MACROH2A1: variants seen among roughly 807,000 people sequenced by gnomAD.
MACROH2A1 encodes the protein core histone macro-H2A.1.
MACROH2A1 carries 2 observed loss-of-function variants against 31.6 expected under a neutral mutation model. The observed-to-expected ratio is 0.06, with a 90% CI of 0.03 to 0.20. The LOEUF (loss-of-function observed/expected upper bound fraction) is 0.20. MACROH2A1 is among the 10% of genes least tolerant of loss of function. MACROH2A1 has a pLI of 1.00. For missense variants in MACROH2A1, 230 were observed against 474.0 expected (o/e 0.49, Z 4.78); for synonymous variants, 169 against 189.6 (o/e 0.89, Z 0.89).
chr5:135,352,324 C>A (rs996962193), intron 6 of MACROH2A1, among the ~76,000 whole-genome samples: 1 of 152,254 alleles, frequency 6.6e-6, no homozygotes, highest in African/African-American at 2.4e-5. Flanking sequence ...CCATCTTGAA[C>A]AGGGAGACAC....
chr5:135,366,205 T>C (rs1484912181), intron 4 of MACROH2A1, among the ~76,000 whole-genome samples: 1 of 152,240 alleles, frequency 6.6e-6, no homozygotes, highest in South Asian at 2.1e-4. Flanking sequence ...TATAAATTGC[T>C]GTCTTGGGCC....
intron 8 of MACROH2A1, among the ~76,000 whole-genome samples, chr5:135,341,012 CTTTTA>C (rs1759750411): frequency 6.6e-6 from 1 of 152,220 alleles, no homozygotes; most frequent in African/African-American, 2.4e-5. Context: ...AACAGATGCT[CTTTTA>C]TGAGAATTAC....
At chr5:135,387,411 G>C (rs1208941858) in intron 2 of MACROH2A1, among the ~76,000 whole-genome samples, 3 of 152,218 alleles carry the variant, frequency 2.0e-5, no homozygotes, top group African/African-American at 4.8e-5. Context: ...TTGCTATGGG[G>C]AAACCCTCGG....
At chr5:135,385,346 A>G (rs1323962203) in intron 2 of MACROH2A1, among the ~76,000 whole-genome samples, 1 of 152,208 alleles carries the variant, frequency 6.6e-6, no homozygotes, top group Non-Finnish European at 1.5e-5. Flanking sequence ...CCCCCCTTGC[A>G]GCACAGGTGG....
rs566040426 is a variant in MACROH2A1 at position 135,370,228 on chromosome 5, G to C, written c.173-86C>G. Reference sequence around the variant, plus strand: ...CCCCACATTCACAGTGCCAGGAATGGGCAGAGGCAGCTGCTTCAGGAAGCA... The same window carrying C: ...CCCCACATTCACAGTGCCAGGAATGCGCAGAGGCAGCTGCTTCAGGAAGCA... On this transcript the variant is annotated intron_variant, in intron 2 of 8. Transcript: ENST00000511689. The C allele has an allele frequency of 2.1e-4, 165 of 781,344 alleles. 3 individuals are homozygous for C. Among genetic ancestry groups the C allele is most frequent in the South Asian group, 2.0e-3 (115 of 58,476 alleles). 48.4% of individuals were successfully genotyped at this position (781,344 alleles called of 1,614,324 possible).
chr5:135,383,700 G>GGTGTGGTGT (rs1554099983), intron 2 of MACROH2A1, among the ~76,000 whole-genome samples: 5 of 137,148 alleles, frequency 3.6e-5, no homozygotes, highest in African/African-American at 1.4e-4. Flanking sequence ...GATGTGGTGT[G>GGTGTGGTGT]GTGTGTGTGT....
chr5:135,351,716 C>G (rs1761597784), intron 6 of MACROH2A1, among the ~76,000 whole-genome samples: 1 of 151,320 alleles, frequency 6.6e-6, no homozygotes, highest in Non-Finnish European at 1.5e-5. Flanking sequence ...GCACGTGTCA[C>G]CAAGCCCAGC....
chr5:135,366,052 T>C (rs1033900247), intron 4 of MACROH2A1, among the ~76,000 whole-genome samples: 1 of 152,156 alleles, frequency 6.6e-6, no homozygotes, highest in African/African-American at 2.4e-5. Context: ...TGAAATTTGA[T>C]GGTTTTATAA....
At chr5:135,351,129 G>T in intron 6 of MACROH2A1, 1 of 438,742 alleles carries the variant, frequency 2.3e-6, no homozygotes, top group Admixed American at 3.9e-5. Context: ...TTAAACATTT[G>T]AATGAGAAGT....
At chr5:135,348,379 A>G (rs1048731509) in intron 6 of MACROH2A1, among the ~76,000 whole-genome samples, 8 of 152,274 alleles carry the variant, frequency 5.3e-5, no homozygotes, top group African/African-American at 1.9e-4. Context: ...CTTAGAAAGC[A>G]GGCATAAGTA....
In MACROH2A1 at chr5:135,395,638, A is replaced by AT. The variant is rs772328393; in HGVS notation, c.-34+3423dup. 1.6e-4 allele frequency among the ~76,000 whole-genome samples: 24 copies of AT among 152,302 alleles called. 1 individual carries two copies. In the East Asian group the frequency reaches 2.3e-3, roughly 15 times the overall value. ...CCGTTTACTCCTATCACACCAAATG[A>AT]TTAACGGTGTCACCCGCTGTCATGT... On this transcript the variant is annotated intron_variant, in intron 1 of 8. Coordinates refer to ENST00000511689, the MANE Select transcript of MACROH2A1 (RefSeq NM_138610.3).
chr5:135,385,963 G>A (rs1766351354), intron 2 of MACROH2A1, among the ~76,000 whole-genome samples: 1 of 152,206 alleles, frequency 6.6e-6, no homozygotes, highest in Admixed American at 6.5e-5. Flanking sequence ...GACAGCATGT[G>A]GAGTGAATGA....
intron 5 of MACROH2A1, chr5:135,357,762 C>T: frequency 2.0e-6 from 2 of 984,728 alleles, no homozygotes; most frequent in Non-Finnish European, 2.4e-6. Context: ...AACAATTCAA[C>T]AATGTGTGTG....
At chr5:135,358,534 C>G in intron 5 of MACROH2A1, 2 of 985,278 alleles carry the variant, frequency 2.0e-6, no homozygotes, top group Non-Finnish European at 2.4e-6. Context: ...GCTAGGTGGT[C>G]TGTCTGGGTC....
Position 135,334,904 on chromosome 5 carries a change from T to C in MACROH2A1, c.*72A>G. 2 of 1,307,622 alleles carry C rather than the reference T, an allele frequency of 1.5e-6. No individual in the cohort carries two copies. Among genetic ancestry groups the C allele is most frequent in the Admixed American group, 2.0e-5 (1 of 50,480 alleles). 81.0% of individuals were successfully genotyped at this position (1,307,622 alleles called of 1,614,324 possible). A position where few individuals can be genotyped will look rare whatever the true frequency, so the allele number is the denominator to read the frequency against. ...AAGGGGTCCCACCTCCCAGTAGGAGTGAAGGGGATTTTTTTTTTCTTTTAA... is the reference window on the plus strand; with the variant it reads ...AAGGGGTCCCACCTCCCAGTAGGAGCGAAGGGGATTTTTTTTTTCTTTTAA... On this transcript the variant is annotated 3_prime_UTR_variant, in exon 9 of 9. Transcript: ENST00000511689.
At chr5:135,399,283 A>G (rs959787323), upstream of MACROH2A1, 2 of 151,258 alleles carry the variant, frequency 1.3e-5, no homozygotes, top group African/African-American at 4.9e-5. The surrounding 1 kb of genome is among the most constrained non-coding windows in gnomAD (Gnocchi z 4.5). Flanking sequence ...CGCTCGTCAC[A>G]TCCCTTCGCG....
intron 2 of MACROH2A1, among the ~76,000 whole-genome samples, chr5:135,382,896 T>C (rs999969059): frequency 3.3e-5 from 5 of 152,224 alleles, no homozygotes; most frequent in Non-Finnish European, 5.9e-5. Flanking sequence ...AGGAGGACCA[T>C]GAAGAACCAG....
intron 6 of MACROH2A1, chr5:135,351,004 T>G: frequency 2.4e-6 from 2 of 832,034 alleles, no homozygotes; most frequent in Non-Finnish European, 4.0e-6. Context: ...AGGGCTGGCC[T>G]ACCTGGTCGA....
In MACROH2A1 at chr5:135,335,009, A is replaced by G. The variant is rs773113241; in HGVS notation, c.1086T>C (p.Tyr362=). ...CGTCCAGCTTGGCCATTTCCTGCAC[A>G]TAGATGCCTATACTCTCGCTGTCAA... The part of the protein sequence containing the change: ...VLFDSESIGI[Y]VQEMAKLDAN The change falls in exon 9 of 9, where the codon TAT becomes TAC. Residue 362 remains tyrosine (Y), a synonymous_variant. Coordinates refer to ENST00000511689, the MANE Select transcript of MACROH2A1 (RefSeq NM_138610.3). 7 of 1,614,054 alleles carry G rather than the reference A, an allele frequency of 4.3e-6. No homozygotes were observed. Among genetic ancestry groups the G allele is most frequent in the Middle Eastern group, 1.7e-4 (1 of 6,060 alleles).
Sources: allele counts gnomAD v4.1 joint callset (sites outside exome capture counted in the v4.1 genomes callset), GRCh38; gene constraint gnomAD v4.1.1; non-coding constraint Gnocchi (gnomAD v3.1); transcripts MANE v1.5; gene names NCBI Gene and HGNC (gene_info 2026-07-23, HGNC 2026-07-21).